Variants in LRRC43 observed in about 807,000 individuals in gnomAD.
LRRC43 encodes the protein leucine-rich repeat-containing protein 43.
A neutral mutation model predicts 64.3 loss-of-function variants in LRRC43; 62 were observed. That is an observed-to-expected ratio of 0.96 (90% CI 0.79 to 1.19). The LOEUF is 1.19. Ranked by LOEUF, LRRC43 falls within the 50% of genes most tolerant of loss-of-function variation. The pLI is 0.00. For synonymous variants in LRRC43, 422 were observed against 382.3 expected (o/e 1.10, Z -1.21); for missense variants, 868 against 845.0 (o/e 1.03, Z -0.34).
Position 122,187,755 on chromosome 12 carries a change from C to A in LRRC43, c.577C>A (p.Pro193Thr). 5.6e-6 allele frequency: 9 copies of A among 1,614,034 alleles called. No individual in the cohort carries two copies. Among genetic ancestry groups the A allele is most frequent in the Non-Finnish European group, 7.6e-6 (9 of 1,180,004 alleles). Residue 193 changes from proline to threonine, a missense_variant, in exon 4 of 12, where the codon CCA becomes ACA. Physicochemically the swap from Pro to Thr is conservative, Grantham distance 38. Coordinates refer to ENST00000339777, the MANE Select transcript of LRRC43 (RefSeq NM_001098519.2). ...CAGCATGGAGTGTCTGTGTGCCCAC[C>A]CACCCGCCGGCCTGCAGCACTTGGG... ...ISSMECLCAH[P>T]PAGLQHLGLG...
intron 4 of LRRC43, 25 bp downstream of exon 4, chr12:122,187,865 G>A (rs768121605): frequency 5.0e-6 from 8 of 1,612,530 alleles, no homozygotes; most frequent in Middle Eastern, 1.7e-4. Context: ...CAGATGGAAA[G>A]TGAGAGGGAG....
Position 122,190,308 on chromosome 12 carries a change from G to C in LRRC43, c.841G>C (p.Asp281His). The change falls in exon 5 of 12, where the codon GAC becomes CAC. Residue 281 changes from aspartate to histidine, a missense_variant. Coordinates refer to ENST00000339777, the MANE Select transcript of LRRC43 (RefSeq NM_001098519.2). The part of the protein sequence containing the change: ...IDSLAQLCVL[D>H]DITVSPNEKH... ...CAGCCTGGCCCAGCTCTGCGTGCTG[G>C]ACGACATCACCGTGTCTCCCAATGA... 1 of 1,614,130 alleles carries C rather than the reference G, an allele frequency of 6.2e-7. No individual in the cohort carries two copies. Among genetic ancestry groups the C allele is most frequent in the Non-Finnish European group, 8.5e-7 (1 of 1,180,008 alleles).
chr12:122,193,065 C>A (rs1231699851), intron 7 of LRRC43, 61 bp downstream of exon 7: 7 of 1,542,252 alleles, frequency 4.5e-6, no homozygotes, highest in Non-Finnish European at 5.3e-6. Context: ...GAGCCTAGAC[C>A]ACACTGCGAC....
At chr12:122,188,216 C>G (rs1009215471) in intron 4 of LRRC43, among the ~76,000 whole-genome samples, 2 of 152,128 alleles carry the variant, frequency 1.3e-5, no homozygotes, top group African/African-American at 2.4e-5. Context: ...ACGCCATTCT[C>G]CTGCCTCAGC....
chr12:122,175,310 C>T (rs1953527822), intron 1 of LRRC43, among the ~76,000 whole-genome samples: 1 of 151,806 alleles, frequency 6.6e-6, no homozygotes, highest in African/African-American at 2.4e-5. Context: ...GCTGGGATTA[C>T]AGGCGCCCAC....
chr12:122,178,582 CTTTTTTTTT>C (rs57204293), upstream of LRRC43, among the ~76,000 whole-genome samples: 86 of 60,734 alleles, frequency 1.4e-3, 2 homozygotes, highest in African/African-American at 6.1e-3. Flanking sequence ...AGGTGGCTTT[CTTTTTTTTT>C]TTTTTTTTTT....
Position 122,200,271 on chromosome 12 carries a change from C to T in LRRC43, c.1432C>T (p.Leu478=). Residue 478 remains leucine, a synonymous_variant, in exon 8 of 12, where the codon CTG becomes TTG. Coordinates refer to ENST00000339777, the MANE Select transcript of LRRC43 (RefSeq NM_001098519.2). This position sits in a 1 kb window ranked among gnomAD's most constrained non-coding sequence, Gnocchi z 4.6. ...CGAGATGCAGCACTCTCTCAGGGAC[C>T]TGGTCCCACTGAAGGCCTTCCTGCT... ...SYEMQHSLRD[L]VPLKAFLLAG... is the part of the protein sequence containing the mutation. 1 of 1,613,924 alleles carries T rather than the reference C, an allele frequency of 6.2e-7. No homozygotes were observed. The highest frequency in any genetic ancestry group is 8.5e-7 in the Non-Finnish European group (1 of 1,180,034).
chr12:122,199,970 G>C (rs1381487451), intron 7 of LRRC43, among the ~76,000 whole-genome samples: 1 of 152,138 alleles, frequency 6.6e-6, no homozygotes, highest in Non-Finnish European at 1.5e-5. Context: ...CTGAAGGAGG[G>C]CTCCACTTGC....
At chr12:122,191,190 G>A (rs758154760) in intron 5 of LRRC43, among the ~76,000 whole-genome samples, 190 bp from the exon 6 acceptor site, 97 of 152,182 alleles carry the variant, frequency 6.4e-4, no homozygotes, top group Non-Finnish European at 1.3e-3. Context: ...AGGCTGAAGA[G>A]GGGTATAATG....
intron 1 of LRRC43, 150 bp downstream of exon 1, chr12:122,183,444 G>A: frequency 2.1e-6 from 2 of 935,388 alleles, no homozygotes; most frequent in South Asian, 2.2e-5. Context: ...TGAGGGTGAC[G>A]GTGGGGCCCG....
intron 1 of LRRC43, among the ~76,000 whole-genome samples, chr12:122,183,863 C>T (rs1472743764): frequency 6.6e-6 from 1 of 152,140 alleles, no homozygotes; most frequent in East Asian, 1.9e-4. Flanking sequence ...ACCTCCGCCT[C>T]CCAAGTAGCA....
In LRRC43 at chr12:122,186,058, G is replaced by A. The variant is rs971303453; in HGVS notation, c.412-132G>A. On this transcript the variant is annotated intron_variant, in intron 2 of 11. Transcript: ENST00000339777. ...GCGATGCAGTGCAGGAACGGCTTCC[G>A]GGGAGCAGGGGGTGGGAAGGGAGGG... 1.1e-4 allele frequency: 72 copies of A among 637,184 alleles called. No homozygotes were observed. In the Admixed American group the frequency reaches 1.6e-3, roughly 14 times the overall value. The allele number at this position is 637,184 out of a possible 1,614,324, so 39.5% of individuals were successfully genotyped here.
chr12:122,169,491 G>A (rs1953466046), intron 1 of LRRC43, among the ~76,000 whole-genome samples: 3 of 152,028 alleles, frequency 2.0e-5, no homozygotes, highest in Admixed American at 6.6e-5. Context: ...CGAGACAGGT[G>A]GATCACGAGG....
chr12:122,177,476 AGTGTGTGTGTGTGTGT>A lies in LRRC43; in HGVS notation c.-405-7016_-405-7001del, dbSNP rs67103998. Reference sequence around the variant, plus strand: ...GACCTACAAACTCTATGAGAGAGAAAGTGTGTGTGTGTGTGTGTGTGTGTGTGTGTGTGTGTGTGTG... The same window carrying A: ...GACCTACAAACTCTATGAGAGAGAAAGTGTGTGTGTGTGTGTGTGTGTGTG... On this transcript the variant is annotated intron_variant, in intron 1 of 5. Transcript: ENST00000537729. Among the ~76,000 whole-genome samples the A allele has an allele frequency of 7.4e-4, 106 of 143,586 alleles. 1 individual carries two copies. The East Asian group carries it at 0.017, about 23-fold the overall frequency. 94.2% of individuals were successfully genotyped at this position (143,586 alleles called of 152,430 possible). A position where few individuals can be genotyped will look rare whatever the true frequency, so the allele number is the denominator to read the frequency against.
chr12:122,189,829 C>T (rs973072694), intron 4 of LRRC43, among the ~76,000 whole-genome samples: 4 of 152,224 alleles, frequency 2.6e-5, no homozygotes, highest in African/African-American at 4.8e-5. Context: ...ACGCAGTGCG[C>T]GAGGCTCTGT....
chr12:122,201,181 A>C (rs2136065393), intron 10 of LRRC43, 115 bp from the exon 11 acceptor site: 1 of 1,139,878 alleles, frequency 8.8e-7, no homozygotes, highest in East Asian at 2.4e-5. Flanking sequence ...TCACCAGGAG[A>C]CCCCCGCCTT....
chr12:122,171,897 C>T (rs1462386811), intron 1 of LRRC43: 1 of 154,504 alleles, frequency 6.5e-6, no homozygotes, highest in East Asian at 1.9e-4. Flanking sequence ...TTGAGCCCGT[C>T]CAGTGGGAAG....
In LRRC43 at chr12:122,174,295, G is replaced by A. The variant is rs1953518308; in HGVS notation, c.-406+6513G>A. Reference sequence around the variant, plus strand: ...AAGAGCAGTCAGCGTCCCGCCCATGGCAAAACCATTTACTCAGCTTTTCTC... The same window carrying A: ...AAGAGCAGTCAGCGTCCCGCCCATGACAAAACCATTTACTCAGCTTTTCTC... On this transcript the variant is annotated intron_variant, in intron 1 of 5. Coordinates refer to the LRRC43 transcript ENST00000537729. 1.9e-5 allele frequency: 21 copies of A among 1,123,504 alleles called. No individual in the cohort carries two copies. In the South Asian group the frequency reaches 2.8e-4, roughly 15 times the overall value. The allele number at this position is 1,123,504 out of a possible 1,614,324, so 69.6% of individuals were successfully genotyped here. A position where few individuals can be genotyped will look rare whatever the true frequency, so the allele number is the denominator to read the frequency against.
rs202034748 is a variant in LRRC43, at chr12:122,187,677, C to T, written c.523-24C>T. The T allele has an allele frequency of 5.0e-5, 80 of 1,610,840 alleles. No individual in the cohort carries two copies. In the East Asian group the frequency reaches 1.3e-3, roughly 26 times the overall value. ...GCGCTGACTTGGGGCCCCATCGTCC[C>T]GGGCCTTCCGTGTGGTCTCCCAGGT... On this transcript the variant is annotated intron_variant, in intron 3 of 11. Transcript: ENST00000339777.
Sources: allele counts gnomAD v4.1 joint callset (sites outside exome capture counted in the v4.1 genomes callset), GRCh38; gene constraint gnomAD v4.1.1; non-coding constraint Gnocchi (gnomAD v3.1); transcripts MANE v1.5; gene names NCBI Gene and HGNC (gene_info 2026-07-23, HGNC 2026-07-21).